CCDC88A: variants seen among roughly 807,000 people sequenced by gnomAD.
The protein encoded by CCDC88A is girdin.
A neutral mutation model predicts 234.3 loss-of-function variants in CCDC88A; 54 were observed. The ratio of observed to expected loss-of-function variants is 0.23; its 90% CI spans 0.19 to 0.29. CCDC88A has a LOEUF of 0.29. Among genes scored for constraint, CCDC88A ranks in the 10% least tolerant of loss-of-function variants. The probability of loss-of-function intolerance (pLI) is 1.00; values close to 1 mark genes in which losing one functional copy is unlikely to be tolerated. For missense variants in CCDC88A, 1,832 were observed against 2,123.4 expected, an observed-to-expected ratio of 0.86 and a Z score of 2.70; for synonymous variants, 753 against 737.8, an observed-to-expected ratio of 1.02 and a Z score of -0.33.
chr2:55,316,259 G>T, intron 21 of CCDC88A, 145 bp from the exon 22 acceptor site: 1 of 405,972 alleles, frequency 2.5e-6, no homozygotes, highest in Non-Finnish European at 4.3e-6. Context: ...TCAAAAATCA[G>T]TTTCTATTCT....
At chr2:55,345,448 CT>C (rs1424756267) in intron 10 of CCDC88A, 1 of 152,224 alleles carries the variant, frequency 6.6e-6, no homozygotes, top group Non-Finnish European at 1.5e-5. Flanking sequence ...GTCGCCCAGG[CT>C]GTAGTGGCGC....
At chr2:55,294,635 C>G in intron 31 of CCDC88A, 2 of 975,500 alleles carry the variant, frequency 2.1e-6, no homozygotes, top group Non-Finnish European at 2.4e-6. Context: ...ACAGTCAGAG[C>G]AAGTGAGGGG....
At chr2:55,350,365 T>C (rs1445377569) in intron 8 of CCDC88A, 3 of 152,196 alleles carry the variant, frequency 2.0e-5, no homozygotes, top group African/African-American at 7.2e-5. Flanking sequence ...GCTATTGGTT[T>C]CTGCCCTGTA....
chr2:55,367,306 T>G (rs1240719556), intron 5 of CCDC88A, among the ~76,000 whole-genome samples: 1 of 152,038 alleles, frequency 6.6e-6, no homozygotes, highest in Non-Finnish European at 1.5e-5. Flanking sequence ...TGAGAAAAAT[T>G]CTTCAGATGG....
chr2:55,405,242 G>A (rs984567543), intron 2 of CCDC88A: 9 of 152,016 alleles, frequency 5.9e-5, no homozygotes, highest in African/African-American at 2.2e-4. Flanking sequence ...ACCTTTCAAG[G>A]TTTAAATCAA....
chr2:55,410,051 C>A (rs540939438), intron 2 of CCDC88A, among the ~76,000 whole-genome samples: 4 of 152,162 alleles, frequency 2.6e-5, no homozygotes, highest in African/African-American at 9.6e-5. Flanking sequence ...TACCTCCCCA[C>A]TTTTAAATGA....
At chr2:55,398,402 C>T (rs1441829111) in intron 2 of CCDC88A, among the ~76,000 whole-genome samples, 1 of 152,134 alleles carries the variant, frequency 6.6e-6, no homozygotes, top group Non-Finnish European at 1.5e-5. Flanking sequence ...ACTATCTGTA[C>T]TTAGAGCCCA....
Position 55,322,710 on chromosome 2 carries a change from A to G in CCDC88A, c.2998-18T>C, listed in dbSNP as rs769865198. On this transcript the variant is annotated intron_variant, in intron 17 of 32. Transcript: ENST00000436346. ...TTTTTCACCTAAAATTTTATTTAAA[A>G]TATTTTAATGGGGAGAAAAAAATCA... 2.9e-6 allele frequency: 4 copies of G among 1,370,438 alleles called. No homozygotes were observed. The East Asian group carries it at 9.5e-5, about 33-fold the overall frequency. The allele number at this position is 1,370,438 out of a possible 1,614,324, so 84.9% of individuals were successfully genotyped here. A position where few individuals can be genotyped will look rare whatever the true frequency, so the allele number is the denominator to read the frequency against.
chr2:55,401,470 ATGTGTGTGTATG>A (rs1678658303), intron 2 of CCDC88A, among the ~76,000 whole-genome samples: 1 of 31,500 alleles, frequency 3.2e-5, no homozygotes, highest in African/African-American at 8.2e-5. Context: ...ATATATACAT[ATGTGTGTGTATG>A]TATGTGTGTG....
chr2:55,310,935 C>T (rs531295972), intron 23 of CCDC88A, among the ~76,000 whole-genome samples: 8 of 152,262 alleles, frequency 5.3e-5, no homozygotes, highest in Admixed American at 2.0e-4. Flanking sequence ...GCTAGGACCA[C>T]GTAACAAAGG....
intron 18 of CCDC88A, chr2:55,321,233 T>G (rs1683595936): frequency 6.6e-6 from 1 of 152,006 alleles, no homozygotes; most frequent in Non-Finnish European, 1.5e-5. Context: ...TGTCAGGAAT[T>G]TAGCATTCTA....
At chr2:55,349,758 G>C in intron 8 of CCDC88A, 159 bp from the exon 9 acceptor site, 2 of 508,602 alleles carry the variant, frequency 3.9e-6, no homozygotes, top group Non-Finnish European at 6.8e-6. Flanking sequence ...TAGATATTAG[G>C]AATTTATATA....
intron 2 of CCDC88A, among the ~76,000 whole-genome samples, chr2:55,402,177 A>T (rs58708869): frequency 0.096 from 14,562 of 152,082 alleles, 2,173 homozygotes; most frequent in African/African-American, 0.32. Flanking sequence ...AAGAATTTTT[A>T]AAAATATTAA....
At chr2:55,323,805 A>C (rs981698244) in intron 17 of CCDC88A, 9 of 152,238 alleles carry the variant, frequency 5.9e-5, no homozygotes, top group African/African-American at 2.2e-4. Context: ...TCCGCCACCC[A>C]GGTTCAAACC....
At chr2:55,401,718 A>G (rs1678735647) in intron 2 of CCDC88A, among the ~76,000 whole-genome samples, 1 of 151,626 alleles carries the variant, frequency 6.6e-6, no homozygotes, top group Non-Finnish European at 1.5e-5. Context: ...CATGACATAT[A>G]ATTACCATAC....
rs1369763846 is a variant in CCDC88A at position 55,289,156 on chromosome 2, A to C, written c.*2044T>G. ...CTTAACCCAGCATGTTCTGTATTTTAGGATATTAGTGTTCTGGAGAGGTCA... is the reference window on the plus strand; with the variant it reads ...CTTAACCCAGCATGTTCTGTATTTTCGGATATTAGTGTTCTGGAGAGGTCA... On this transcript the variant is annotated 3_prime_UTR_variant, in exon 33 of 33. Coordinates refer to ENST00000436346, the MANE Select transcript of CCDC88A (RefSeq NM_001365480.1). 6.5e-6 allele frequency: 1 copy of C among 152,698 alleles called. No homozygotes were observed. The highest frequency in any genetic ancestry group is 1.9e-4 in the East Asian group (1 of 5,188). The allele number at this position is 152,698 out of a possible 1,614,324, so 9.5% of individuals were successfully genotyped here. A position where few individuals can be genotyped will look rare whatever the true frequency, so the allele number is the denominator to read the frequency against.
intron 2 of CCDC88A, among the ~76,000 whole-genome samples, chr2:55,415,064 T>TTA (rs1681130914): frequency 6.4e-5 from 5 of 77,982 alleles, no homozygotes; most frequent in African/African-American, 2.0e-4. Context: ...AGACTCTGTT[T>TTA]CAAAAAAAAA....
At position 55,289,857 on chromosome 2, in the gene CCDC88A, C is replaced by T. The variant is rs887796211; in HGVS notation, c.*1343G>A. On this transcript the variant is annotated 3_prime_UTR_variant, in exon 33 of 33. Transcript: ENST00000436346. ...TGAAACCCACAACTCATAAACCACA[C>T]ACTATGGAATATGGAATTATTCCAA... 1.3e-5 allele frequency: 2 copies of T among 152,200 alleles called. No individual in the cohort carries two copies. The highest frequency in any genetic ancestry group is 4.8e-5 in the African/African-American group (2 of 41,422). The allele number at this position is 152,200 out of a possible 1,614,324, so 9.4% of individuals were successfully genotyped here.
intron 31 of CCDC88A, chr2:55,293,916 CT>C (rs766914504): frequency 0.021 from 2,770 of 130,904 alleles, 25 homozygotes; most frequent in African/African-American, 0.031. Context: ...TATTTTCTTA[CT>C]TTTTTTTTTT....
Sources: gnomAD v4.1 joint callset for allele counts (sites outside exome capture counted in the v4.1 genomes callset) on GRCh38, gnomAD v4.1.1 for gene constraint, MANE v1.5 for transcripts, NCBI Gene and HGNC (gene_info 2026-07-23, HGNC 2026-07-21) for gene names.